The following COL4A3 variants were observed in gnomAD, a reference collection of about 807,000 sequenced individuals.
COL4A3 encodes collagen type IV alpha 3 chain.
Under a neutral mutation model 217.4 loss-of-function variants are expected in COL4A3, and 135 were observed. The ratio of observed to expected loss-of-function variants is 0.62; its 90% CI spans 0.54 to 0.72. The LOEUF (loss-of-function observed/expected upper bound fraction) is 0.72, where lower values mean the gene tolerates loss of function less well. Among genes scored for constraint, COL4A3 ranks in the 30% least tolerant of loss-of-function variants. COL4A3 has a pLI of 0.00. For synonymous variants in COL4A3, 690 were observed against 736.3 expected (o/e 0.94, Z 1.02); for missense variants, 1,868 against 2,119.9 (o/e 0.88, Z 2.33).
chr2:227,196,945 C>T (rs1294463405), intron 1 of COL4A3, among the ~76,000 whole-genome samples: 1 of 152,062 alleles, frequency 6.6e-6, no homozygotes, highest in Non-Finnish European at 1.5e-5. Flanking sequence ...TGAGAGGGAC[C>T]CAGTGGGAGG....
intron 1 of COL4A3, among the ~76,000 whole-genome samples, chr2:227,222,167 AT>A (rs1559839967): frequency 0.04 from 2,421 of 60,930 alleles, 31 homozygotes; most frequent in Non-Finnish European, 0.046. Context: ...AATAATAATG[AT>A]AATGATAATA....
Position 227,282,623 on chromosome 2 carries a change from C to A in COL4A3, c.2656+91C>A. On this transcript the variant is annotated intron_variant, in intron 32 of 51. Transcript: ENST00000396578. This position sits in a 1 kb window ranked among gnomAD's most constrained non-coding sequence, Gnocchi z 4.4. ...TGTACATAGGCATACGCTTTTTACT[C>A]TATGCTTTTACTTAATATAAGGTTT... 1 of 1,177,122 alleles carries A rather than the reference C, an allele frequency of 8.5e-7. No individual in the cohort carries two copies. The highest frequency in any genetic ancestry group is 1.3e-6 in the Non-Finnish European group (1 of 792,386). The allele number at this position is 1,177,122 out of a possible 1,614,324, so 72.9% of individuals were successfully genotyped here. A position where few individuals can be genotyped will look rare whatever the true frequency, so the allele number is the denominator to read the frequency against.
chr2:227,295,137 C>A, intron 40 of COL4A3, 75 bp downstream of exon 40: 1 of 1,527,804 alleles, frequency 6.5e-7, no homozygotes, highest in Non-Finnish European at 9.1e-7. Context: ...TAATCCTTTG[C>A]TGCTCTAAAG....
intron 2 of COL4A3, 112 bp from the exon 3 acceptor site, chr2:227,240,031 A>G: frequency 1.0e-6 from 1 of 987,232 alleles, no homozygotes; most frequent in East Asian, 2.6e-5. Context: ...AGGAAAAAAC[A>G]TGCAAAGAGT....
At chr2:227,279,533 C>G (rs766252747) in intron 28 of COL4A3, 1 of 474,632 alleles carries the variant, frequency 2.1e-6, no homozygotes, top group Non-Finnish European at 3.7e-6. Context: ...AATGGTCAAC[C>G]AGCATCAGTG....
At chr2:227,289,939 A>G in intron 35 of COL4A3, 60 bp from the exon 36 acceptor site, 1 of 1,519,234 alleles carries the variant, frequency 6.6e-7, no homozygotes, top group Non-Finnish European at 9.1e-7. Context: ...ACAAGTATTT[A>G]TTAAACACAT....
intron 8 of COL4A3, among the ~76,000 whole-genome samples, chr2:227,248,021 C>T (rs1228959393): frequency 1.3e-5 from 2 of 152,182 alleles, no homozygotes; most frequent in African/African-American, 2.4e-5. Context: ...CTCACTGCAA[C>T]CTCCACCTCC....
Position 227,244,311 on chromosome 2 carries a change from T to C in COL4A3, c.235-9T>C, listed in dbSNP as rs1217151399. ...AGTGTTTACTTTTTCTTTTTTCACT[T>C]GAATCTAGGGCTTTCCAGGACTTCC... On this transcript the variant is annotated splice_polypyrimidine_tract_variant and intron_variant, in intron 3 of 51. Coordinates refer to ENST00000396578, the MANE Select transcript of COL4A3 (RefSeq NM_000091.5). The C allele has an allele frequency of 1.9e-6, 3 of 1,613,882 alleles. No homozygotes were observed. The highest frequency in any genetic ancestry group is 1.7e-6 in the Non-Finnish European group (2 of 1,179,830).
intron 9 of COL4A3, among the ~76,000 whole-genome samples, chr2:227,249,212 G>GTGTGTATATATATATATATA (rs1199261361): frequency 3.0e-5 from 1 of 33,216 alleles, no homozygotes; most frequent in African/African-American, 1.0e-4. Context: ...AAATTAGCTA[G>GTGTGTATATATATATATATA]TATATATATA....
intron 1 of COL4A3, among the ~76,000 whole-genome samples, chr2:227,218,687 T>C (rs145098471): frequency 7.7e-4 from 118 of 152,284 alleles, no homozygotes; most frequent in African/African-American, 2.4e-3. Flanking sequence ...AAAAACATAT[T>C]TTTAATATTA....
rs1459932746 is a variant in COL4A3, at chr2:227,309,072, A to T, written c.4636A>T (p.Ser1546Cys). Residue 1546 changes from serine to cysteine, a missense_variant, in exon 49 of 52, where the codon AGC becomes TGC. Transcript: ENST00000396578. Reference protein sequence around the residue: ...ITGRALEPYISRCTVCEGPAI... With the variant: ...ITGRALEPYICRCTVCEGPAI... Reference sequence around the variant, plus strand: ...TGGCAGAGCCCTTGAGCCTTATATAAGCAGGTAAAAATCCAATCCCCTAGT... The same window carrying T: ...TGGCAGAGCCCTTGAGCCTTATATATGCAGGTAAAAATCCAATCCCCTAGT... 6.2e-7 allele frequency: 1 copy of T among 1,614,220 alleles called. No homozygotes were observed. The highest frequency in any genetic ancestry group is 8.5e-7 in the Non-Finnish European group (1 of 1,180,036).
At chr2:227,289,973 G>A (rs374195031) in intron 35 of COL4A3, 26 bp from the exon 36 acceptor site, 12 of 1,602,050 alleles carry the variant, frequency 7.5e-6, no homozygotes, top group Non-Finnish European at 1.0e-5. Flanking sequence ...ACTGTGCAGG[G>A]CAATAACTAC....
chr2:227,203,240 T>TAC lies in COL4A3; in HGVS notation c.88-34727_88-34726insCA, dbSNP rs1295794387. The stretch of plus-strand genomic sequence containing the variant: ...ACATATATGTGTATATATGTGTATA[T>TAC]ATACATATATGTATATATACATATA... On this transcript the variant is annotated intron_variant, in intron 1 of 51. Transcript: ENST00000396578. 9.0e-5 allele frequency among the ~76,000 whole-genome samples: 2 copies of TAC among 22,346 alleles called. 1 individual carries two copies. Among genetic ancestry groups the TAC allele is most frequent in the Non-Finnish European group, 1.5e-4 (2 of 13,078 alleles). The allele number at this position is 22,346 out of a possible 152,430, so 14.7% of individuals were successfully genotyped here.
chr2:227,299,209 C>T (rs1368760462), intron 43 of COL4A3, among the ~76,000 whole-genome samples: 1 of 152,212 alleles, frequency 6.6e-6, no homozygotes, highest in African/African-American at 2.4e-5. Context: ...TCCTGGCTAA[C>T]ATGGTGAAAC....
chr2:227,263,845 C>T lies in COL4A3; in HGVS notation c.1216C>T (p.Arg406Ter), dbSNP rs371334239. The change falls in exon 21 of 52, where the codon CGA (arginine) becomes TGA (stop). Residue 406 changes from arginine to a stop codon, truncating the protein, a stop_gained. Coordinates refer to ENST00000396578, the MANE Select transcript of COL4A3 (RefSeq NM_000091.5). LOFTEE classifies it high-confidence loss of function. ...AGGCCTGAAAGGAAGTAAAGGGGAA[C>T]GAGGCCGCCCAGGAAAGGATGCCAT... Reference protein sequence around the residue: ...WPGLKGSKGERGRPGKDAMGT... With the variant: ...WPGLKGSKGE The T allele has an allele frequency of 1.1e-5, 18 of 1,613,990 alleles. No homozygotes were observed. The African/African-American group carries it at 1.2e-4, about 11-fold the overall frequency.
intron 41 of COL4A3, among the ~76,000 whole-genome samples, chr2:227,296,069 C>T (rs941106858): frequency 3.3e-5 from 5 of 152,176 alleles, no homozygotes; most frequent in African/African-American, 4.8e-5. Context: ...GATGTTCACG[C>T]AAACCAGCAA....
chr2:227,175,881 A>T (rs56739104), intron 1 of COL4A3, among the ~76,000 whole-genome samples: 8,292 of 152,294 alleles, frequency 0.054, 272 homozygotes, highest in Admixed American at 0.088. Flanking sequence ...CAGCCCACAT[A>T]TAAAATGGTG....
chr2:227,290,786 G>A lies in COL4A3; in HGVS notation c.3110G>A (p.Arg1037Gln), dbSNP rs760302213. The A allele has an allele frequency of 6.8e-6, 11 of 1,613,400 alleles. No homozygotes were observed. The highest frequency in any genetic ancestry group is 2.2e-5 in the South Asian group (2 of 91,014). ...AGGGGAACTTTGGGATTCCCAGGTCGAGCAGGAAGACCAGGCCTCCCAGGT... is the reference window on the plus strand; with the variant it reads ...AGGGGAACTTTGGGATTCCCAGGTCAAGCAGGAAGACCAGGCCTCCCAGGT... ...GKRGTLGFPG[R>Q]AGRPGLPGIH... The change falls in exon 37 of 52, where the codon CGA (arginine) becomes CAA (glutamine). Residue 1037 changes from arginine (R) to glutamine (Q), a missense_variant. Around this residue, in one of 2 missense-constraint regions of COL4A3, gnomAD observed 1,503 missense variants for 1,786.1 expected, o/e 0.84. Coordinates refer to ENST00000396578, the MANE Select transcript of COL4A3 (RefSeq NM_000091.5).
At position 227,191,155 on chromosome 2, in the gene COL4A3, C is replaced by T. The variant is rs1338947086; in HGVS notation, c.87+26342C>T. The stretch of plus-strand genomic sequence containing the variant: ...TTTTTGACATTTAAATTTTCTCAAC[C>T]ACTTTGCTCTTTTTGGATACTTGGG... On this transcript the variant is annotated intron_variant, in intron 1 of 51. Coordinates refer to ENST00000396578, the MANE Select transcript of COL4A3 (RefSeq NM_000091.5). The surrounding 1 kb of genome is among the most constrained non-coding windows in gnomAD (Gnocchi z 6.8). 6.6e-6 allele frequency among the ~76,000 whole-genome samples: 1 copy of T among 151,962 alleles called. No homozygotes were observed. The highest frequency in any genetic ancestry group is 1.5e-5 in the Non-Finnish European group (1 of 67,990).
Sources: allele counts gnomAD v4.1 joint callset (sites outside exome capture counted in the v4.1 genomes callset), GRCh38; gene constraint gnomAD v4.1.1; regional missense constraint gnomAD v4.1.1; non-coding constraint Gnocchi (gnomAD v3.1); transcripts MANE v1.5; gene names NCBI Gene and HGNC (gene_info 2026-07-23, HGNC 2026-07-21).